Variants in SRPX2 observed in about 807,000 individuals in gnomAD.
SRPX2 encodes the protein sushi repeat-containing protein SRPX2.
Under a neutral mutation model 45.3 loss-of-function variants are expected in SRPX2, and 26 were observed. The ratio of observed to expected loss-of-function variants is 0.57; its 90% CI spans 0.42 to 0.80. The LOEUF is 0.80. Ranked by LOEUF, SRPX2 falls within the 30% of genes least tolerant of loss-of-function variation. SRPX2 has a pLI of 0.00. For missense variants in SRPX2, 355 were observed against 399.8 expected (o/e 0.89, Z 0.95); for synonymous variants, 125 against 143.7 (o/e 0.87, Z 0.93).
At chrX:100,656,941 C>T (rs41293527) in intron 3 of SRPX2, among the ~76,000 whole-genome samples, 1,632 of 108,103 alleles carry the variant, frequency 0.015, 32 homozygotes, top group African/African-American at 0.053. Flanking sequence ...TCCTTCCTTC[C>T]TTCGAGATGG....
intron 3 of SRPX2, among the ~76,000 whole-genome samples, chrX:100,656,750 T>A (rs755760585): frequency 1.8e-5 from 2 of 112,324 alleles, no homozygotes; most frequent in Admixed American, 1.9e-4. Flanking sequence ...TCCATATCTT[T>A]GCTATTGTGA....
At chrX:100,667,445 A>C (rs1254322656) in intron 9 of SRPX2, 38 bp downstream of exon 9, 1 of 1,205,683 alleles carries the variant, frequency 8.3e-7, no homozygotes, top group Non-Finnish European at 1.1e-6. Flanking sequence ...TAGCTCCTGT[A>C]AATTATCCCT....
At chrX:100,665,091 ATCT>A in intron 5 of SRPX2, 141 bp downstream of exon 5, 1 of 1,059,630 alleles carries the variant, frequency 9.4e-7, no homozygotes, top group East Asian at 3.3e-5. Flanking sequence ...AAACAAAATG[ATCT>A]TCTCCCCTGA....
chrX:100,662,326 G>A lies in SRPX2; in HGVS notation c.314G>A (p.Cys105Tyr). ...TTGATTGGAAGGAGGTCGGTGCAAT[G>A]CCTGCCAAGCCGTCGTTGGTCTGGA... The part of the protein sequence containing the change: ...FRLIGRRSVQ[C>Y]LPSRRWSGTA... The change falls in exon 4 of 11, where the codon TGC becomes TAC. Residue 105 changes from cysteine (C) to tyrosine (Y), a missense_variant. Physicochemically the swap from Cys to Tyr is radical, Grantham distance 194. Transcript: ENST00000373004. 8.3e-7 allele frequency: 1 copy of A among 1,211,709 alleles called. No individual in the cohort carries two copies. The highest frequency in any genetic ancestry group is 1.1e-6 in the Non-Finnish European group (1 of 895,628).
intron 3 of SRPX2, among the ~76,000 whole-genome samples, chrX:100,651,989 T>C (rs1375332046): frequency 9.0e-6 from 1 of 111,724 alleles, no homozygotes; most frequent in African/African-American, 3.3e-5. Context: ...GTTTCTTTGC[T>C]TTGCAAGCCA....
In SRPX2 at chrX:100,667,366, C is replaced by T. The variant is rs773836041; in HGVS notation, c.1054C>T (p.Pro352Ser). ...ACTCCTCATCATCTCAGCTCCTGAT[C>T]CTTCCAACCGATATTATAAAATGCA... ...QRLLIISAPD[P>S]SNRYYKMQIS... The change falls in exon 9 of 11, where the codon CCT becomes TCT. Residue 352 changes from proline (P) to serine (S), a missense_variant. Pro to Ser is a moderately conservative substitution (Grantham distance 74, BLOSUM62 -1). Coordinates refer to ENST00000373004, the MANE Select transcript of SRPX2 (RefSeq NM_014467.3). The T allele has an allele frequency of 8.3e-7, 1 of 1,211,592 alleles. No homozygotes were observed. Among genetic ancestry groups the T allele is most frequent in the Non-Finnish European group, 1.1e-6 (1 of 895,428 alleles).
chrX:100,659,463 G>A (rs1337100092), intron 3 of SRPX2, among the ~76,000 whole-genome samples: 1 of 111,876 alleles, frequency 8.9e-6, no homozygotes, highest in Non-Finnish European at 1.9e-5. Flanking sequence ...TTCCTTGACA[G>A]ACTATGGGAG....
At chrX:100,667,497 T>C (rs751954321) in intron 9 of SRPX2, 90 bp downstream of exon 9, 170 of 1,103,076 alleles carry the variant, frequency 1.5e-4, no homozygotes, top group Non-Finnish European at 2.0e-4. Context: ...GCACAAACCT[T>C]ACCTACTTCC....
Position 100,667,184 on chromosome X carries a change from G to C in SRPX2, c.962-90G>C, listed in dbSNP as rs184247050. On this transcript the variant is annotated intron_variant, in intron 8 of 10. Coordinates refer to ENST00000373004, the MANE Select transcript of SRPX2 (RefSeq NM_014467.3). The stretch of plus-strand genomic sequence containing the variant: ...AGAAACAGCCAGAGAGAGGTAACCT[G>C]AAAGACTGGAACACCTCAAGATGTT... 6.3e-5 allele frequency: 74 copies of C among 1,174,377 alleles called. No homozygotes were observed. In the East Asian group the frequency reaches 2.1e-3, roughly 34 times the overall value.
intron 3 of SRPX2, among the ~76,000 whole-genome samples, chrX:100,661,603 CT>C (rs1347656434): frequency 2.1e-3 from 235 of 111,444 alleles, no homozygotes; most frequent in Non-Finnish European, 2.0e-3. Context: ...AATCTCGTCT[CT>C]ACTAAAATAC....
At chrX:100,648,012 C>T (rs760448037) in intron 2 of SRPX2, among the ~76,000 whole-genome samples, 3 of 112,411 alleles carry the variant, frequency 2.7e-5, no homozygotes, top group Non-Finnish European at 5.6e-5. Flanking sequence ...TCATTCATTC[C>T]TTCAACAAAT....
Position 100,664,857 on chromosome X carries a change from T to C in SRPX2, c.439T>C (p.Tyr147His). Residue 147 changes from tyrosine (Y) to histidine (H), a missense_variant, in exon 5 of 11, where the codon TAC (tyrosine) becomes CAC (histidine). Physicochemically the swap from Tyr to His is moderately conservative, Grantham distance 83. Coordinates refer to ENST00000373004, the MANE Select transcript of SRPX2 (RefSeq NM_014467.3). ...AGTGCTTCTTGACTCTCGCTGTGAC[T>C]ACAGCTGTTCCAGTGGCTACCACCT... ...NGVLLDSRCDYSCSSGYHLEG... is the reference protein window; with the variant it reads ...NGVLLDSRCDHSCSSGYHLEG... 1 of 1,210,422 alleles carries C rather than the reference T, an allele frequency of 8.3e-7. No individual in the cohort carries two copies. The highest frequency in any genetic ancestry group is 1.1e-6 in the Non-Finnish European group (1 of 894,783).
At chrX:100,650,373 C>G in intron 2 of SRPX2, 1 of 167,939 alleles carries the variant, frequency 6.0e-6, no homozygotes, top group Non-Finnish European at 1.1e-5. Flanking sequence ...GACACAGGTT[C>G]TGTTTTTGCC....
rs758793185 is a variant in SRPX2 at position 100,646,424 on chromosome X, G to A, written c.82+20G>A. The A allele has an allele frequency of 1.3e-4, 160 of 1,190,392 alleles. No individual in the cohort carries two copies. Among genetic ancestry groups the A allele is most frequent in the Non-Finnish European group, 1.7e-4 (146 of 878,950 alleles). The stretch of plus-strand genomic sequence containing the variant: ...ATGCAGGTAAGTTCTAGGAGCTGTT[G>A]CCTATTATTTCCAGGAAGGATAGGT... On this transcript the variant is annotated intron_variant, in intron 2 of 10. Transcript: ENST00000373004.
intron 3 of SRPX2, among the ~76,000 whole-genome samples, chrX:100,654,801 C>G (rs2083163592): frequency 9.0e-6 from 1 of 111,493 alleles, no homozygotes; most frequent in Non-Finnish European, 1.9e-5. Context: ...AAAGAACAAC[C>G]AAATCATTAT....
rs753520649 is a variant in SRPX2, at chrX:100,649,049, T to C, written c.83-1736T>C. ...CTGCTGACATGTTATGGTGACATAA[T>C]GAACTAACATATGTAATGTGCTTAA... On this transcript the variant is annotated intron_variant, in intron 2 of 10. Transcript: ENST00000373004. The C allele has an allele frequency of 1.1e-4, 12 of 112,737 alleles. No individual in the cohort carries two copies. The South Asian group carries it at 4.4e-3, about 42-fold the overall frequency. 9.3% of individuals were successfully genotyped at this position (112,737 alleles called of 1,213,427 possible).
intron 4 of SRPX2, among the ~76,000 whole-genome samples, chrX:100,664,356 A>G (rs1183673042): frequency 8.1e-5 from 9 of 111,106 alleles, no homozygotes. Context: ...GCACCCACAC[A>G]TGTACAGCCT....
rs1047502100 is a variant in SRPX2 at position 100,671,303 on chromosome X, G to A, written c.*316G>A. 9 of 326,876 alleles carry A rather than the reference G, an allele frequency of 2.8e-5. No homozygotes were observed. Among genetic ancestry groups the A allele is most frequent in the Non-Finnish European group, 4.9e-5 (9 of 183,343 alleles). 26.9% of individuals were successfully genotyped at this position (326,876 alleles called of 1,213,427 possible). Reference sequence around the variant, plus strand: ...AAATCCTAAATTCAGTGATGAACTGGCTGTTTTAACTGGTTCCTCTACCCT... The same window carrying A: ...AAATCCTAAATTCAGTGATGAACTGACTGTTTTAACTGGTTCCTCTACCCT... On this transcript the variant is annotated 3_prime_UTR_variant, in exon 11 of 11. Transcript: ENST00000373004.
chrX:100,657,921 C>T (rs2083175945), intron 3 of SRPX2, among the ~76,000 whole-genome samples: 1 of 112,804 alleles, frequency 8.9e-6, no homozygotes, highest in Non-Finnish European at 1.9e-5. Context: ...AGCCACTGCG[C>T]CCAGCCCCTT....
Sources: allele counts gnomAD v4.1 joint callset (sites outside exome capture counted in the v4.1 genomes callset), GRCh38; gene constraint gnomAD v4.1.1; transcripts MANE v1.5; gene names NCBI Gene and HGNC (gene_info 2026-07-23, HGNC 2026-07-21).